PACRG: variants seen among roughly 807,000 people sequenced by gnomAD.
PACRG encodes the protein parkin coregulated gene protein.
A neutral mutation model predicts 29.7 loss-of-function variants in PACRG; 29 were observed. The ratio of observed to expected loss-of-function variants is 0.98; its 90% CI spans 0.73 to 1.33. The LOEUF is 1.33. PACRG is among the 40% of genes most tolerant of loss of function. The probability of loss-of-function intolerance (pLI) is 0.00; values close to 1 mark genes in which losing one functional copy is unlikely to be tolerated. For missense variants in PACRG, 279 were observed against 316.2 expected, an observed-to-expected ratio of 0.88 and a Z score of 0.89; for synonymous variants, 116 against 118.7, an observed-to-expected ratio of 0.98 and a Z score of 0.15.
chr6:163,283,250 G>A (rs1784278825), intron 4 of PACRG, among the ~76,000 whole-genome samples: 1 of 152,184 alleles, frequency 6.6e-6, no homozygotes, highest in Non-Finnish European at 1.5e-5. Context: ...GTATTTTAGT[G>A]TCTGAGCTTT....
intron 4 of PACRG, among the ~76,000 whole-genome samples, chr6:163,223,963 T>C (rs554860981): frequency 3.6e-4 from 55 of 152,296 alleles, no homozygotes; most frequent in African/African-American, 1.2e-3. Context: ...AGACTGAGAA[T>C]GCTATCCTTA....
chr6:163,021,554 C>T (rs1185049113), intron 2 of PACRG, among the ~76,000 whole-genome samples: 1 of 152,182 alleles, frequency 6.6e-6, no homozygotes, highest in East Asian at 1.9e-4. Flanking sequence ...ATGGCTCCCA[C>T]CGCAACCTGA....
intron 2 of PACRG, among the ~76,000 whole-genome samples, chr6:163,060,676 G>A (rs1300113438): frequency 6.6e-6 from 1 of 152,116 alleles, no homozygotes; most frequent in Non-Finnish European, 1.5e-5. Flanking sequence ...TTGTAAATGG[G>A]AAGTCTGTGA....
chr6:162,766,208 C>T (rs566941206), intron 1 of PACRG, among the ~76,000 whole-genome samples: 14 of 152,296 alleles, frequency 9.2e-5, no homozygotes, highest in African/African-American at 2.2e-4. Flanking sequence ...CATTGACCAA[C>T]GCCTCCTCTT....
chr6:162,992,225 G>A (rs1162269283), intron 2 of PACRG, among the ~76,000 whole-genome samples: 2 of 107,130 alleles, frequency 1.9e-5, no homozygotes, highest in Non-Finnish European at 3.5e-5. Flanking sequence ...TCTCTGCCCG[G>A]CTTTGGTATC....
chr6:163,001,255 G>T (rs1249745782), intron 2 of PACRG, among the ~76,000 whole-genome samples: 1 of 152,218 alleles, frequency 6.6e-6, no homozygotes, highest in African/African-American at 2.4e-5. Flanking sequence ...GGGTCTCCAG[G>T]AGGAGAATAG....
chr6:162,888,976 C>T (rs551424288), intron 2 of PACRG, among the ~76,000 whole-genome samples: 19 of 152,158 alleles, frequency 1.2e-4, no homozygotes, highest in Non-Finnish European at 2.4e-4. Flanking sequence ...AGATTTGGAA[C>T]TCTGTGATTA....
chr6:163,089,307 T>C lies in PACRG; in HGVS notation c.512T>C (p.Val171Ala), dbSNP rs775706301. Residue 171 changes from valine to alanine, a missense_variant, in exon 4 of 5, where the codon GTC (valine) becomes GCC (alanine). Transcript: ENST00000366888. ...CAGGTCATCTGTGTCACTCTCAAGG[T>C]CCTCCAGCATCTGGTTGTGTCAGCT... is the stretch of plus-strand genomic sequence containing the variant. ...NRQVICVTLK[V>A]LQHLVVSAEM... 4 of 1,613,994 alleles carry C rather than the reference T, an allele frequency of 2.5e-6. No homozygotes were observed. In the East Asian group the frequency reaches 6.7e-5, roughly 27 times the overall value.
At chr6:163,190,022 T>C (rs903359231) in intron 4 of PACRG, 1 of 152,146 alleles carries the variant, frequency 6.6e-6, no homozygotes, top group Non-Finnish European at 1.5e-5. Context: ...ATCAGAAAAA[T>C]TACTTCTGAT....
intron 4 of PACRG, among the ~76,000 whole-genome samples, chr6:163,249,371 G>C (rs1019507307): frequency 6.6e-6 from 1 of 152,154 alleles, no homozygotes; most frequent in Non-Finnish European, 1.5e-5. Context: ...CCATTATCCA[G>C]CCTTTCAATA....
In PACRG at chr6:162,891,359, G is replaced by A. The variant is rs573346660; in HGVS notation, c.291+77078G>A. 8.3e-4 allele frequency among the ~76,000 whole-genome samples: 127 copies of A among 152,270 alleles called. 1 individual carries two copies. Among genetic ancestry groups the A allele is most frequent in the African/African-American group, 3.0e-3 (123 of 41,568 alleles). ...CCTTAGGGAAGGTTGGCTCTAAAGA[G>A]CAGGAAATTTATCCCTCCCTCATGC... On this transcript the variant is annotated intron_variant, in intron 2 of 4. Transcript: ENST00000366888.
chr6:162,798,383 C>T (rs966919914), intron 1 of PACRG, among the ~76,000 whole-genome samples: 10 of 152,118 alleles, frequency 6.6e-5, no homozygotes, highest in African/African-American at 2.4e-4. Flanking sequence ...ACCAGAAATA[C>T]ATTTTTTTCT....
rs1489138306 is a variant in PACRG at position 163,291,319 on chromosome 6, C to A, written c.614-23508C>A. Among the ~76,000 whole-genome samples the A allele has an allele frequency of 4.6e-5, 6 of 129,108 alleles. No homozygotes were observed. The Admixed American group carries it at 4.7e-4, about 10-fold the overall frequency. The allele number at this position is 129,108 out of a possible 152,430, so 84.7% of individuals were successfully genotyped here. On this transcript the variant is annotated intron_variant, in intron 4 of 4. Transcript: ENST00000366888. ...TCACCCTGCAAGATGACCCTCTGCC[C>A]GCCAGAGCTGGCCTGCGGGTCACCC...
intron 2 of PACRG, among the ~76,000 whole-genome samples, chr6:163,001,300 G>T (rs1309867402): frequency 1.3e-5 from 2 of 152,220 alleles, no homozygotes; most frequent in Admixed American, 1.3e-4. Context: ...CTTTTGAGTG[G>T]TGCTACTGGC....
At chr6:162,985,960 C>T (rs1802848891) in intron 2 of PACRG, among the ~76,000 whole-genome samples, 1 of 123,720 alleles carries the variant, frequency 8.1e-6, no homozygotes, top group Non-Finnish European at 1.7e-5. Context: ...TTCACAATAG[C>T]TGCAAAAATA....
intron 1 of PACRG, among the ~76,000 whole-genome samples, chr6:162,765,851 A>C (rs1477517843): frequency 6.6e-6 from 1 of 152,164 alleles, no homozygotes; most frequent in African/African-American, 2.4e-5. Flanking sequence ...TTAATATTTT[A>C]TACAATGATT....
intron 2 of PACRG, among the ~76,000 whole-genome samples, chr6:162,868,341 T>C (rs1200204021): frequency 6.6e-6 from 1 of 152,226 alleles, no homozygotes; most frequent in African/African-American, 2.4e-5. Context: ...GTTTTGTCTC[T>C]TTAAAATGGA....
intron 1 of PACRG, among the ~76,000 whole-genome samples, chr6:162,771,095 G>A (rs1422644033): frequency 1.3e-5 from 2 of 152,058 alleles, no homozygotes; most frequent in Non-Finnish European, 2.9e-5. Context: ...TACAAACTCT[G>A]AAAGTAAGAT....
At chr6:163,295,585 A>G (rs1400818160) in intron 4 of PACRG, among the ~76,000 whole-genome samples, 2 of 152,250 alleles carry the variant, frequency 1.3e-5, no homozygotes, top group African/African-American at 4.8e-5. Flanking sequence ...TTAGCACCCC[A>G]TAATTGTCAA....
Sources: allele counts gnomAD v4.1 joint callset (sites outside exome capture counted in the v4.1 genomes callset), GRCh38; gene constraint gnomAD v4.1.1; transcripts MANE v1.5; gene names NCBI Gene and HGNC (gene_info 2026-07-23, HGNC 2026-07-21).